Variants in SLC12A3 observed in about 807,000 individuals in gnomAD.
SLC12A3 encodes the protein solute carrier family 12 member 3, also known as Na-Cl cotransporter.
Under a neutral mutation model 121.0 loss-of-function variants are expected in SLC12A3, and 104 were observed. The ratio of observed to expected loss-of-function variants is 0.86; its 90% CI spans 0.73 to 1.01. The LOEUF is 1.01. Ranked by LOEUF, SLC12A3 falls within the 50% of genes least tolerant of loss-of-function variation. The probability of loss-of-function intolerance (pLI) is 0.00; values close to 1 mark genes in which losing one functional copy is unlikely to be tolerated. For missense variants in SLC12A3, 1,328 were observed against 1,356.3 expected (o/e 0.98, Z 0.33); for synonymous variants, 536 against 533.4 (o/e 1.00, Z -0.07).
At chr16:56,869,650 G>A in intron 3 of SLC12A3, 79 bp from the exon 4 acceptor site, 1 of 1,102,848 alleles carries the variant, frequency 9.1e-7, no homozygotes, top group East Asian at 2.4e-5. Flanking sequence ...ATGAACGTAG[G>A]TCGCATGGTG....
At chr16:56,897,086 C>T (rs1223697458) in intron 22 of SLC12A3, among the ~76,000 whole-genome samples, 2 of 131,844 alleles carry the variant, frequency 1.5e-5, no homozygotes, top group Admixed American at 1.4e-4. Context: ...AGCAAGACTC[C>T]ATCTCAAAAA....
chr16:56,884,504 C>A (rs1337404748), intron 14 of SLC12A3, among the ~76,000 whole-genome samples: 1 of 152,186 alleles, frequency 6.6e-6, no homozygotes, highest in Admixed American at 6.5e-5. Flanking sequence ...GGCTGTCCCC[C>A]AAGAGGGGCC....
chr16:56,867,239 G>A (rs372054819), intron 2 of SLC12A3, 23 bp downstream of exon 2: 22 of 1,590,824 alleles, frequency 1.4e-5, no homozygotes, highest in East Asian at 4.5e-5. Flanking sequence ...TGGGTGGTGC[G>A]TGATGTCCAG....
rs199713227 is a variant in SLC12A3 at position 56,899,601 on chromosome 16, A to G, written c.2705A>G (p.Asn902Ser). The change falls in exon 23 of 26, where the codon AAC becomes AGC. Residue 902 changes from asparagine (N) to serine (S), a missense_variant. Transcript: ENST00000563236. ...EVHILPDINQ[N>S]PRAEHTKRFE... ...CACATCCTCCCTGACATCAACCAGA[A>G]CCCTCGGGCTGAGCAGTAAGTTCTG... The G allele has an allele frequency of 6.2e-7, 1 of 1,613,580 alleles. No individual in the cohort carries two copies. The highest frequency in any genetic ancestry group is 1.3e-5 in the African/African-American group (1 of 74,988).
At chr16:56,878,714 G>A (rs956192565) in intron 9 of SLC12A3, among the ~76,000 whole-genome samples, 1 of 152,008 alleles carries the variant, frequency 6.6e-6, no homozygotes, top group African/African-American at 2.4e-5. Context: ...CCTCCCAGTG[G>A]CCCCGTTTGA....
intron 21 of SLC12A3, 52 bp downstream of exon 21, chr16:56,893,106 G>A (rs1178240063): frequency 6.9e-7 from 1 of 1,451,512 alleles, no homozygotes; most frequent in Non-Finnish European, 9.6e-7. Flanking sequence ...CGGGGTGGTG[G>A]TGGTCTTCCT....
intron 20 of SLC12A3, 34 bp from the exon 21 acceptor site, chr16:56,892,919 T>C (rs781097363): frequency 2.5e-5 from 39 of 1,582,338 alleles, no homozygotes; most frequent in Non-Finnish European, 3.1e-5. Context: ...GCGCGGCTGC[T>C]GGCTCTGCTC....
intron 13 of SLC12A3, among the ~76,000 whole-genome samples, chr16:56,883,280 T>C (rs1366547939): frequency 1.7e-5 from 1 of 58,934 alleles, no homozygotes; most frequent in Non-Finnish European, 3.7e-5. Flanking sequence ...TTTTTCTTTC[T>C]TTTTTTTTTT....
intron 6 of SLC12A3, among the ~76,000 whole-genome samples, chr16:56,871,461 G>A (rs910676146): frequency 9.9e-5 from 15 of 152,164 alleles, no homozygotes; most frequent in Admixed American, 3.3e-4. Flanking sequence ...AGACTCAGCC[G>A]GACAGGCCCT....
At chr16:56,886,911 G>A in intron 16 of SLC12A3, 42 bp from the exon 17 acceptor site, 1 of 1,612,356 alleles carries the variant, frequency 6.2e-7, no homozygotes, top group Non-Finnish European at 8.5e-7. Flanking sequence ...AGGCTGGAGG[G>A]TGAAGGCAGC....
Position 56,890,280 on chromosome 16 carries a change from C to G in SLC12A3, c.2292C>G (p.Ala764=). Residue 764 remains alanine, a synonymous_variant, in exon 19 of 26, where the codon GCC becomes GCG. Coordinates refer to ENST00000563236, the MANE Select transcript of SLC12A3 (RefSeq NM_001126108.2). The part of the protein sequence containing the change: ...VEDYIGILHD[A]FDFNYGVCVM... ...TCACCTCCTCTCTTTCCAGTGATGC[C>G]TTTGATTTCAACTATGGCGTGTGTG... 1 of 1,614,076 alleles carries G rather than the reference C, an allele frequency of 6.2e-7. No individual in the cohort carries two copies. The highest frequency in any genetic ancestry group is 8.5e-7 in the Non-Finnish European group (1 of 1,179,970).
At position 56,905,287 on chromosome 16, in the gene SLC12A3, C is replaced by T. The variant is rs1403329930; in HGVS notation, c.2924+825C>T. Among the ~76,000 whole-genome samples the T allele has an allele frequency of 1.5e-5, 2 of 137,000 alleles. No individual in the cohort carries two copies. Among genetic ancestry groups the T allele is most frequent in the African/African-American group, 5.8e-5 (2 of 34,200 alleles). The allele number at this position is 137,000 out of a possible 152,430, so 89.9% of individuals were successfully genotyped here. A position where few individuals can be genotyped will look rare whatever the true frequency, so the allele number is the denominator to read the frequency against. ...CTGGGAGGCAGAGGTTGCGGTGAGCCGAGGTTGCCCCATTTCACTCCAGCC... is the reference window on the plus strand; with the variant it reads ...CTGGGAGGCAGAGGTTGCGGTGAGCTGAGGTTGCCCCATTTCACTCCAGCC... On this transcript the variant is annotated intron_variant, in intron 25 of 25. Transcript: ENST00000563236.
At chr16:56,876,237 C>T (rs113401254) in intron 8 of SLC12A3, among the ~76,000 whole-genome samples, 269 of 152,266 alleles carry the variant, frequency 1.8e-3, no homozygotes, top group Admixed American at 3.7e-3. Context: ...ATTTGGGGCC[C>T]ACCCTAATCC....
In SLC12A3 at chr16:56,872,410, G is replaced by A. The variant is rs371332701; in HGVS notation, c.912G>A (p.Thr304=). The A allele has an allele frequency of 3.7e-6, 6 of 1,613,966 alleles. No homozygotes were observed. Among genetic ancestry groups the A allele is most frequent in the East Asian group, 4.5e-5 (2 of 44,884 alleles). The change falls in exon 7 of 26, where the codon ACG becomes ACA. Residue 304 remains threonine, a synonymous_variant. Coordinates refer to ENST00000563236, the MANE Select transcript of SLC12A3 (RefSeq NM_001126108.2). ...MVSFANYLVG[T]LIPPSEDKAS... ...CCTTTGCCAACTATTTAGTGGGGACGCTGATCCCCCCATCTGAGGACAAGG... is the reference window on the plus strand; with the variant it reads ...CCTTTGCCAACTATTTAGTGGGGACACTGATCCCCCCATCTGAGGACAAGG...
At chr16:56,872,173 G>A (rs923737691) in intron 6 of SLC12A3, among the ~76,000 whole-genome samples, 178 bp from the exon 7 acceptor site, 12 of 152,178 alleles carry the variant, frequency 7.9e-5, no homozygotes, top group South Asian at 2.1e-4. Context: ...AGGCTTTGGC[G>A]GTCTTGTTCA....
chr16:56,872,774 T>C lies in SLC12A3; in HGVS notation c.1083T>C (p.Ser361=), dbSNP rs1596896227. The change falls in exon 8 of 26, where the codon TCT becomes TCC. Residue 361 remains serine, a synonymous_variant. Coordinates refer to ENST00000563236, the MANE Select transcript of SLC12A3 (RefSeq NM_001126108.2). The part of the protein sequence containing the change: ...ATGILAGANI[S]GDLKDPAIAI... The stretch of plus-strand genomic sequence containing the variant: ...GCATCCTGGCAGGGGCCAACATATC[T>C]GGTGACCTCAAGGTGAGCAGAATAC... The C allele has an allele frequency of 6.2e-7, 1 of 1,614,226 alleles. No individual in the cohort carries two copies. The highest frequency in any genetic ancestry group is 8.5e-7 in the Non-Finnish European group (1 of 1,180,028).
chr16:56,885,311 C>T lies in SLC12A3; in HGVS notation c.1872C>T (p.Ala624=), dbSNP rs2144726150. The T allele has an allele frequency of 3.9e-6, 6 of 1,556,180 alleles. No individual in the cohort carries two copies. In the South Asian group the frequency reaches 5.9e-5, roughly 15 times the overall value. Residue 624 remains alanine (A), a synonymous_variant, in exon 15 of 26, where the codon GCC becomes GCT. Coordinates refer to ENST00000563236, the MANE Select transcript of SLC12A3 (RefSeq NM_001126108.2). ...SSVQAGSYNL[A]LSYSVGLNEV... ...TACAGGCTGGCTCCTACAACCTGGC[C>T]CTCAGCTACTCGGTGGGCCTCAATG...
chr16:56,904,590 TC>T, intron 25 of SLC12A3, 128 bp downstream of exon 25: 1 of 878,214 alleles, frequency 1.1e-6, no homozygotes, highest in Non-Finnish European at 1.9e-6. Flanking sequence ...GGGCCAAAGT[TC>T]CCATAAACAT....
chr16:56,914,777 G>A lies in SLC12A3; in HGVS notation c.*1372G>A, dbSNP rs1422967826. On this transcript the variant is annotated 3_prime_UTR_variant, in exon 26 of 26. Transcript: ENST00000563236. ...AGGCATGGTTAAGAACAGACGACAA[G>A]GATGTCAGGAATGAAGATGTGGAGA... 6.6e-6 allele frequency: 1 copy of A among 152,380 alleles called. No individual in the cohort carries two copies. The highest frequency in any genetic ancestry group is 1.5e-5 in the Non-Finnish European group (1 of 68,118). 9.4% of individuals were successfully genotyped at this position (152,380 alleles called of 1,614,324 possible). A position where few individuals can be genotyped will look rare whatever the true frequency, so the allele number is the denominator to read the frequency against.
Sources: gnomAD v4.1 joint callset for allele counts (sites outside exome capture counted in the v4.1 genomes callset) on GRCh38, gnomAD v4.1.1 for gene constraint, MANE v1.5 for transcripts, NCBI Gene and HGNC (gene_info 2026-07-23, HGNC 2026-07-21) for gene names.